Variants in LMNTD1 observed in about 807,000 individuals in gnomAD.
The protein encoded by LMNTD1 is lamin tail domain containing 1.
A neutral mutation model predicts 50.9 loss-of-function variants in LMNTD1; 35 were observed. The ratio of observed to expected loss-of-function variants is 0.69; its 90% CI spans 0.53 to 0.91. LMNTD1 has a LOEUF of 0.91. LMNTD1 is among the 40% of genes least tolerant of loss of function. LMNTD1 has a pLI of 0.00. For missense variants in LMNTD1, 470 were observed against 475.5 expected (o/e 0.99, Z 0.11); for synonymous variants, 153 against 161.9 (o/e 0.94, Z 0.42).
chr12:25,499,601 A>G (rs1939264075), intron 9 of LMNTD1, among the ~76,000 whole-genome samples: 1 of 152,080 alleles, frequency 6.6e-6, no homozygotes, highest in Non-Finnish European at 1.5e-5. Context: ...CAGTTTACTG[A>G]CCCATTTTTA....
chr12:25,589,457 A>T (rs1192496375), intron 1 of LMNTD1, among the ~76,000 whole-genome samples: 3 of 152,190 alleles, frequency 2.0e-5, no homozygotes, highest in Admixed American at 2.0e-4. Flanking sequence ...TGCCTTTTAT[A>T]GGGGCTGGGA....
chr12:25,511,919 CCT>C (rs1341326456), intron 8 of LMNTD1, among the ~76,000 whole-genome samples: 3 of 152,062 alleles, frequency 2.0e-5, no homozygotes, highest in Non-Finnish European at 4.4e-5. Flanking sequence ...CTTTGCCCCC[CCT>C]CTTTTCAACC....
At chr12:25,608,357 G>A (rs1946163684) in intron 1 of LMNTD1, among the ~76,000 whole-genome samples, 1 of 152,188 alleles carries the variant, frequency 6.6e-6, no homozygotes, top group South Asian at 2.1e-4. Flanking sequence ...TGTGATCTGT[G>A]AATGTGAACC....
At chr12:25,557,939 T>C (rs560909522), upstream of LMNTD1, among the ~76,000 whole-genome samples, 1 of 152,252 alleles carries the variant, frequency 6.6e-6, no homozygotes, top group Non-Finnish European at 1.5e-5. Context: ...AGAAATTCTA[T>C]TCATTAGCTT....
chr12:25,548,954 CAATCCTTCTGGTATTT>C (rs1943592310), intron 3 of LMNTD1, among the ~76,000 whole-genome samples: 1 of 151,974 alleles, frequency 6.6e-6, no homozygotes, highest in South Asian at 2.1e-4. Context: ...ACAAAATACA[CAATCCTTCTGGTATTT>C]AATCCTTCTG....
chr12:25,509,061 G>A (rs999452288), intron 8 of LMNTD1, among the ~76,000 whole-genome samples: 3 of 152,072 alleles, frequency 2.0e-5, no homozygotes, highest in Non-Finnish European at 4.4e-5. Context: ...AAGATATTAC[G>A]TTGGAAATTA....
intron 1 of LMNTD1, 32 bp from the exon 2 acceptor site, chr12:25,553,021 A>C: frequency 1.9e-6 from 3 of 1,606,120 alleles, no homozygotes; most frequent in Non-Finnish European, 2.6e-6. Flanking sequence ...TCAGATGACG[A>C]ATATGGCTGA....
chr12:25,585,950 C>T (rs535387417), intron 1 of LMNTD1: 1 of 152,340 alleles, frequency 6.6e-6, no homozygotes, highest in Non-Finnish European at 1.5e-5. Flanking sequence ...GATGAACTCA[C>T]TTGCCCTCGG....
intron 1 of LMNTD1, among the ~76,000 whole-genome samples, chr12:25,644,511 C>A (rs1382437099): frequency 2.0e-5 from 3 of 151,484 alleles, no homozygotes; most frequent in Non-Finnish European, 2.9e-5. Flanking sequence ...CGAACAACAA[C>A]AAAAAAATCC....
At chr12:25,536,216 C>T (rs1942570871) in intron 4 of LMNTD1, among the ~76,000 whole-genome samples, 1 of 152,158 alleles carries the variant, frequency 6.6e-6, no homozygotes, top group African/African-American at 2.4e-5. Flanking sequence ...ACAACACTAT[C>T]AACCAACATG....
intron 1 of LMNTD1, among the ~76,000 whole-genome samples, chr12:25,616,208 G>C (rs1042193724): frequency 6.6e-6 from 1 of 152,152 alleles, no homozygotes; most frequent in African/African-American, 2.4e-5. Flanking sequence ...TTTAGACAGG[G>C]TGGTAGGGGA....
At chr12:25,513,840 G>A (rs183067942) in intron 8 of LMNTD1, among the ~76,000 whole-genome samples, 23 of 152,132 alleles carry the variant, frequency 1.5e-4, no homozygotes, top group Non-Finnish European at 2.8e-4. Flanking sequence ...CACCTGCCTG[G>A]GTGAGAAATC....
intron 1 of LMNTD1, among the ~76,000 whole-genome samples, chr12:25,605,491 C>A (rs1378153241): frequency 6.6e-6 from 1 of 152,166 alleles, no homozygotes; most frequent in Non-Finnish European, 1.5e-5. Flanking sequence ...ACATGTAAGT[C>A]TTTAATCTAT....
intron 4 of LMNTD1, among the ~76,000 whole-genome samples, chr12:25,538,388 T>C (rs1942776144): frequency 6.6e-6 from 1 of 151,274 alleles, no homozygotes; most frequent in South Asian, 2.1e-4. Flanking sequence ...GCAGAAACCC[T>C]ACAAGCTGGA....
chr12:25,572,266 A>G (rs1375878212), intron 1 of LMNTD1, among the ~76,000 whole-genome samples: 1 of 152,224 alleles, frequency 6.6e-6, no homozygotes, highest in Non-Finnish European at 1.5e-5. Flanking sequence ...CATTATGGGA[A>G]AGGTCCTTTA....
chr12:25,616,772 C>T (rs1946361494), intron 1 of LMNTD1, among the ~76,000 whole-genome samples: 1 of 151,834 alleles, frequency 6.6e-6, no homozygotes, highest in African/African-American at 2.4e-5. Flanking sequence ...TATATAATAA[C>T]ATTCTGGAAA....
At chr12:25,559,065 C>T (rs1352182647) in intron 1 of LMNTD1, among the ~76,000 whole-genome samples, 2 of 150,806 alleles carry the variant, frequency 1.3e-5, no homozygotes, top group Admixed American at 6.6e-5. Context: ...TATTATTATA[C>T]TTTAAGTTCT....
chr12:25,631,962 A>C (rs1049731182), intron 1 of LMNTD1, among the ~76,000 whole-genome samples: 2 of 152,196 alleles, frequency 1.3e-5, no homozygotes, highest in African/African-American at 4.8e-5. Flanking sequence ...AAAACAATAA[A>C]AAATTCAGGA....
At chr12:25,598,689 T>TAAA (rs71449923) in intron 1 of LMNTD1, among the ~76,000 whole-genome samples, 1 of 149,196 alleles carries the variant, frequency 6.7e-6, no homozygotes, top group African/African-American at 2.5e-5. Flanking sequence ...ACTGCAGAAA[T>TAAA]AAAAAAAAAA....
Sources: gnomAD v4.1 joint callset for allele counts (sites outside exome capture counted in the v4.1 genomes callset) on GRCh38, gnomAD v4.1.1 for gene constraint, MANE v1.5 for transcripts, NCBI Gene and HGNC (gene_info 2026-07-23, HGNC 2026-07-21) for gene names.